The following CUX2 variants were observed in gnomAD, a reference collection of about 807,000 sequenced individuals.
CUX2 encodes the protein cut like homeobox 2.
A neutral mutation model predicts 144.8 loss-of-function variants in CUX2; 40 were observed. That is an observed-to-expected ratio of 0.28 (90% CI 0.21 to 0.36). The LOEUF is 0.36. Ranked by LOEUF, CUX2 falls within the 10% of genes least tolerant of loss-of-function variation. CUX2 has a pLI of 1.00. For missense variants in CUX2, 1,615 were observed against 1,994.0 expected, an observed-to-expected ratio of 0.81 and a Z score of 3.62; for synonymous variants, 827 against 875.6, an observed-to-expected ratio of 0.94 and a Z score of 0.98.
intron 16 of CUX2, among the ~76,000 whole-genome samples, chr12:111,313,070 G>A (rs1009126974): frequency 6.6e-6 from 1 of 151,872 alleles, no homozygotes; most frequent in Non-Finnish European, 1.5e-5. Flanking sequence ...TGCCTTCATC[G>A]TCTTTGTTTG....
chr12:111,062,818 G>A (rs970753757), intron 1 of CUX2, among the ~76,000 whole-genome samples: 1 of 152,228 alleles, frequency 6.6e-6, no homozygotes, highest in African/African-American at 2.4e-5. Context: ...TGGTAGTCCA[G>A]TTAGAGGGTA....
intron 1 of CUX2, among the ~76,000 whole-genome samples, chr12:111,109,133 C>T (rs916579970): frequency 6.6e-6 from 1 of 152,212 alleles, no homozygotes; most frequent in African/African-American, 2.4e-5. Flanking sequence ...TTGCCTGGGT[C>T]CATGAATTCA....
At position 111,037,593 on chromosome 12, in the gene CUX2, T is replaced by A. The variant is rs1249732010; in HGVS notation, c.63+3353T>A. Among the ~76,000 whole-genome samples, 2 of 152,242 alleles carry A rather than the reference T, an allele frequency of 1.3e-5. No homozygotes were observed. The highest frequency in any genetic ancestry group is 4.8e-5 in the African/African-American group (2 of 41,462). On this transcript the variant is annotated intron_variant, in intron 1 of 21. Transcript: ENST00000261726. The surrounding 1 kb of genome is among the most constrained non-coding windows in gnomAD (Gnocchi z 5.4). The stretch of plus-strand genomic sequence containing the variant: ...GTCTTTGCTTCTTTTTTGCCTTTGC[T>A]GCTAGCAGCTCAGGAAACGAGAAGA...
intron 1 of CUX2, among the ~76,000 whole-genome samples, chr12:111,187,088 A>G (rs1315242762): frequency 6.6e-6 from 1 of 152,120 alleles, no homozygotes; most frequent in Non-Finnish European, 1.5e-5. Flanking sequence ...AGCATGATGT[A>G]TATTTTTACG....
chr12:111,308,939 CTG>C (rs1467878323), intron 14 of CUX2, among the ~76,000 whole-genome samples: 3 of 152,126 alleles, frequency 2.0e-5, no homozygotes, highest in Non-Finnish European at 4.4e-5. Flanking sequence ...GAGTCTCTCT[CTG>C]TCGCCCAGGC....
intron 1 of CUX2, among the ~76,000 whole-genome samples, chr12:111,127,579 A>G (rs1207627917): frequency 1.3e-5 from 2 of 152,228 alleles, no homozygotes; most frequent in Non-Finnish European, 2.9e-5. Flanking sequence ...GAATAAGTGT[A>G]TCTCCTAGTA....
rs759396337 is a variant in CUX2 at position 111,048,765 on chromosome 12, G to A, written c.63+14525G>A. Among the ~76,000 whole-genome samples the A allele has an allele frequency of 5.9e-5, 9 of 152,324 alleles. No homozygotes were observed. In the South Asian group the frequency reaches 8.3e-4, roughly 14 times the overall value. ...TGCAGGTATTCTGTCCCAGGGGGTC[G>A]TGTGCTGACTTTCATATATGGGGAT... On this transcript the variant is annotated intron_variant, in intron 1 of 21. Transcript: ENST00000261726.
At chr12:111,266,142 C>A (rs1302615705) in intron 4 of CUX2, among the ~76,000 whole-genome samples, 7 of 152,114 alleles carry the variant, frequency 4.6e-5, no homozygotes, top group Admixed American at 4.6e-4. Context: ...TGAGATCATC[C>A]TGGCTTTAGG....
chr12:111,122,224 C>T (rs569016414), intron 1 of CUX2, among the ~76,000 whole-genome samples: 2 of 152,220 alleles, frequency 1.3e-5, no homozygotes, highest in African/African-American at 4.8e-5. Context: ...TTCTCTCCCC[C>T]ACCCGTCCTC....
chr12:111,214,707 C>T (rs890075199), intron 2 of CUX2, among the ~76,000 whole-genome samples: 19 of 152,190 alleles, frequency 1.2e-4, no homozygotes, highest in Admixed American at 3.9e-4. Context: ...CGGGGCCTGC[C>T]GGCACTCATC....
At chr12:111,236,754 C>T (rs899584179) in intron 3 of CUX2, among the ~76,000 whole-genome samples, 2 of 152,360 alleles carry the variant, frequency 1.3e-5, no homozygotes, top group South Asian at 2.1e-4. Context: ...TGGGTTCAAA[C>T]TCTGCCACTG....
chr12:111,148,616 C>T (rs1024940485), intron 1 of CUX2, among the ~76,000 whole-genome samples: 1 of 152,186 alleles, frequency 6.6e-6, no homozygotes, highest in Non-Finnish European at 1.5e-5. Flanking sequence ...GTTACTGCCA[C>T]CACTAAGTAA....
chr12:111,280,334 G>A (rs1885065654), intron 4 of CUX2, among the ~76,000 whole-genome samples: 1 of 152,154 alleles, frequency 6.6e-6, no homozygotes. Flanking sequence ...AAGGTCACAT[G>A]ACAACGAAGG....
At chr12:111,136,130 C>G (rs1156362251) in intron 1 of CUX2, among the ~76,000 whole-genome samples, 2 of 151,764 alleles carry the variant, frequency 1.3e-5, no homozygotes, top group African/African-American at 2.4e-5. Context: ...GGGAATAGGC[C>G]TAAGGGGTGT....
intron 1 of CUX2, among the ~76,000 whole-genome samples, chr12:111,083,009 G>A (rs892930256): frequency 6.6e-6 from 1 of 152,148 alleles, no homozygotes; most frequent in African/African-American, 2.4e-5. Context: ...GTTGACATTT[G>A]TGGCCGTTTC....
At chr12:111,184,830 G>A (rs1325502549) in intron 1 of CUX2, among the ~76,000 whole-genome samples, 3 of 152,074 alleles carry the variant, frequency 2.0e-5, no homozygotes, top group Non-Finnish European at 4.4e-5. Context: ...GTGGGAGGCC[G>A]AGGCGGGCAG....
chr12:111,309,939 C>A, intron 14 of CUX2, 102 bp from the exon 15 acceptor site: 2 of 1,062,502 alleles, frequency 1.9e-6, no homozygotes, highest in Non-Finnish European at 1.2e-6. Context: ...CGTTGTCTCT[C>A]TCTGTCTCTC....
chr12:111,157,470 T>C (rs1877468703), intron 1 of CUX2, among the ~76,000 whole-genome samples: 1 of 151,728 alleles, frequency 6.6e-6, no homozygotes, highest in South Asian at 2.1e-4. Context: ...GTTTCAAAGA[T>C]TACAGCTTTA....
In CUX2 at chr12:111,304,302, G is replaced by A. The variant is rs1273000560; in HGVS notation, c.846G>A (p.Gln282=). 1.9e-6 allele frequency: 3 copies of A among 1,613,238 alleles called. No individual in the cohort carries two copies. Among genetic ancestry groups the A allele is most frequent in the Non-Finnish European group, 2.5e-6 (3 of 1,179,568 alleles). The change falls in exon 10 of 22, where the codon CAG becomes CAA. Residue 282 remains glutamine (Q), a synonymous_variant. Transcript: ENST00000261726. The surrounding 1 kb of genome is among the most constrained non-coding windows in gnomAD (Gnocchi z 4.7). ...TCCGCCTGGCTTGCTGCTCTCCCCA[G>A]GGGCCCAGTGGGGTAAGGATGGGGT... ...SSIRLACCSP[Q]GPSGDKVNFT... is the part of the protein sequence containing the mutation.
Sources: gnomAD v4.1 joint callset for allele counts (sites outside exome capture counted in the v4.1 genomes callset) on GRCh38, gnomAD v4.1.1 for gene constraint, Gnocchi (gnomAD v3.1) non-coding constraint, MANE v1.5 for transcripts, NCBI Gene and HGNC (gene_info 2026-07-23, HGNC 2026-07-21) for gene names.